The following ADISSP variants were observed in gnomAD, a reference collection of about 807,000 sequenced individuals.
ADISSP encodes adipose-secreted signaling protein.
the ADISSP span, among the ~76,000 whole-genome samples, chr20:3,760,820 G>A: frequency 1.3e-4 from 20 of 152,116 alleles, no homozygotes; most frequent in African/African-American, 3.6e-4. Context: ...GCTCCCCAAC[G>A]GCAGCCTCAG....
chr20:3,762,590 G>C, the ADISSP span, among the ~76,000 whole-genome samples: 1 of 152,164 alleles, frequency 6.6e-6, no homozygotes, highest in Non-Finnish European at 1.5e-5. Flanking sequence ...GAGCTTAAGC[G>C]ATCCACCCAC....
chr20:3,755,705 T>C, the ADISSP span: 2 of 1,101,516 alleles, frequency 1.8e-6, no homozygotes, highest in Non-Finnish European at 2.6e-6. Flanking sequence ...CCCCAGCACC[T>C]GCTTCCCCAG....
the ADISSP span, among the ~76,000 whole-genome samples, chr20:3,758,939 G>C: frequency 6.6e-6 from 1 of 152,204 alleles, no homozygotes; most frequent in African/African-American, 2.4e-5. This position sits in a 1 kb window ranked among gnomAD's most constrained non-coding sequence, Gnocchi z 5.5. Context: ...CTTGCTTGGA[G>C]GGGGTGGGGC....
the ADISSP span, chr20:3,755,400 G>T: frequency 6.8e-7 from 1 of 1,478,604 alleles, no homozygotes; most frequent in Non-Finnish European, 9.3e-7. Context: ...CACCCTAGTT[G>T]GAAGTAAGGG....
At chr20:3,755,503 G>A in the ADISSP span, 8 of 1,612,822 alleles carry the variant, frequency 5.0e-6, no homozygotes, top group Middle Eastern at 1.7e-4. Context: ...GGAGCTTGAG[G>A]TGCAGGCTGG....
At chr20:3,757,753 C>T in the ADISSP span, among the ~76,000 whole-genome samples, 97 of 152,292 alleles carry the variant, frequency 6.4e-4, 1 homozygote, top group African/African-American at 2.3e-3. Flanking sequence ...CTCAGCCTCC[C>T]AAGTAGCTGG....
chr20:3,754,197 C>T, the ADISSP span: 17 of 1,574,170 alleles, frequency 1.1e-5, no homozygotes, highest in African/African-American at 4.0e-5. Context: ...TGCTGGCCCC[C>T]GGCCCCACCC....
At chr20:3,761,130 T>C in the ADISSP span, among the ~76,000 whole-genome samples, 1 of 152,156 alleles carries the variant, frequency 6.6e-6, no homozygotes, top group Non-Finnish European at 1.5e-5. Context: ...GCCCTGGTGG[T>C]TGATGGAAAG....
At chr20:3,756,044 C>G in the ADISSP span, among the ~76,000 whole-genome samples, 1 of 152,216 alleles carries the variant, frequency 6.6e-6, no homozygotes, top group Non-Finnish European at 1.5e-5. Flanking sequence ...GGGTCATTCA[C>G]CTGTCCCCAT....
the ADISSP span, among the ~76,000 whole-genome samples, chr20:3,755,993 G>T: frequency 2.0e-5 from 3 of 152,172 alleles, no homozygotes; most frequent in Non-Finnish European, 4.4e-5. Context: ...CACCCAGCAA[G>T]GCACCACCCA....
At chr20:3,755,682 A>G in the ADISSP span, 3 of 1,336,188 alleles carry the variant, frequency 2.2e-6, no homozygotes, top group African/African-American at 4.3e-5. Flanking sequence ...TGTGCCACCT[A>G]TGATCCCATG....
the ADISSP span, chr20:3,767,060 T>TGCCA: frequency 6.6e-6 from 1 of 151,654 alleles, no homozygotes; most frequent in Admixed American, 6.6e-5. Flanking sequence ...TCCCTGTGGG[T>TGCCA]GTGGCACCCC....
the ADISSP span, chr20:3,755,596 C>T: frequency 6.3e-7 from 1 of 1,598,196 alleles, no homozygotes; most frequent in Non-Finnish European, 8.6e-7. Context: ...GCAGGATCTT[C>T]AGGAAGCCAA....
chr20:3,753,656 G>T, the ADISSP span: 1 of 265,404 alleles, frequency 3.8e-6, no homozygotes. Context: ...GGAGGGGCAG[G>T]AGAGGTGGCT....
chr20:3,756,447 C>T, the ADISSP span, among the ~76,000 whole-genome samples: 5 of 23,718 alleles, frequency 2.1e-4, no homozygotes, highest in South Asian at 1.5e-3. Flanking sequence ...GGGGGTGCCA[C>T]GCCAGCAGGC....
At chr20:3,758,096 G>A in the ADISSP span, among the ~76,000 whole-genome samples, 1 of 152,198 alleles carries the variant, frequency 6.6e-6, no homozygotes, top group Admixed American at 6.5e-5. This position sits in a 1 kb window ranked among gnomAD's most constrained non-coding sequence, Gnocchi z 5.5. Flanking sequence ...GTTGCACCTT[G>A]TTATTGCCAT....
the ADISSP span, chr20:3,768,240 G>T: frequency 2.0e-5 from 3 of 152,264 alleles, no homozygotes; most frequent in African/African-American, 7.2e-5. Context: ...TCGTTCAGGA[G>T]CTGAGGAACC....
chr20:3,761,306 G>A, the ADISSP span, among the ~76,000 whole-genome samples: 7 of 151,800 alleles, frequency 4.6e-5, no homozygotes, highest in Admixed American at 6.6e-5. Flanking sequence ...GCGCCCAAGC[G>A]TCACTGACAG....
the ADISSP span, chr20:3,758,729 T>C: frequency 6.3e-7 from 1 of 1,582,890 alleles, no homozygotes; most frequent in Middle Eastern, 1.7e-4. This position sits in a 1 kb window ranked among gnomAD's most constrained non-coding sequence, Gnocchi z 5.5. Context: ...CCCAGGAAAC[T>C]CCTCCCCCTT....
Sources: allele counts gnomAD v4.1 joint callset (sites outside exome capture counted in the v4.1 genomes callset), GRCh38; gene constraint gnomAD v4.1.1; non-coding constraint Gnocchi (gnomAD v3.1); transcripts MANE v1.5; gene names NCBI Gene and HGNC (gene_info 2026-07-23, HGNC 2026-07-21).